Variants in DIAPH2 observed in about 807,000 individuals in gnomAD.
DIAPH2 encodes the protein protein diaphanous homolog 2.
Under a neutral mutation model 92.7 loss-of-function variants are expected in DIAPH2, and 35 were observed. The ratio of observed to expected loss-of-function variants is 0.38; its 90% CI spans 0.29 to 0.50. The LOEUF (loss-of-function observed/expected upper bound fraction) is 0.50, where lower values mean the gene tolerates loss of function less well. Ranked by LOEUF, DIAPH2 falls within the 20% of genes least tolerant of loss-of-function variation. DIAPH2 has a pLI of 0.94. For synonymous variants in DIAPH2, 301 were observed against 280.4 expected (o/e 1.07, Z -0.73); for missense variants, 701 against 819.5 (o/e 0.86, Z 1.77).
At chrX:97,355,733 A>G (rs756161076) in intron 24 of DIAPH2, among the ~76,000 whole-genome samples, 7 of 111,079 alleles carry the variant, frequency 6.3e-5, no homozygotes, top group African/African-American at 9.8e-5. Context: ...CAAATATCCC[A>G]GTTATCTCCT....
At chrX:97,300,916 A>G (rs1202309521) in intron 23 of DIAPH2, among the ~76,000 whole-genome samples, 1 of 83,739 alleles carries the variant, frequency 1.2e-5, no homozygotes, top group Non-Finnish European at 2.2e-5. Flanking sequence ...TGGGCCACAG[A>G]GCAAGACTCC....
intron 22 of DIAPH2, among the ~76,000 whole-genome samples, chrX:97,179,385 C>T (rs2067520963): frequency 9.1e-6 from 1 of 109,591 alleles, no homozygotes; most frequent in Admixed American, 9.8e-5. Flanking sequence ...CCAACAAGCC[C>T]GTGTGTGATG....
Position 97,443,316 on chromosome X carries a change from A to T in DIAPH2, c.3241+13571A>T, listed in dbSNP as rs779340243. Among the ~76,000 whole-genome samples, 4 of 112,223 alleles carry T rather than the reference A, an allele frequency of 3.6e-5. No homozygotes were observed. The East Asian group carries it at 1.1e-3, about 31-fold the overall frequency. On this transcript the variant is annotated intron_variant, in intron 26 of 26. Coordinates refer to ENST00000324765, the MANE Select transcript of DIAPH2 (RefSeq NM_006729.5). Reference sequence around the variant, plus strand: ...CTATTCCGGGAAGCCTTTTAAAGTTATGCTCAAAGTCAACTCTCTTAAAGA... The same window carrying T: ...CTATTCCGGGAAGCCTTTTAAAGTTTTGCTCAAAGTCAACTCTCTTAAAGA...
At chrX:96,827,883 G>A (rs2064825531) in intron 4 of DIAPH2, among the ~76,000 whole-genome samples, 1 of 110,929 alleles carries the variant, frequency 9.0e-6, no homozygotes. Context: ...GTGCAGTGGC[G>A]CCATCTCGGC....
intron 4 of DIAPH2, among the ~76,000 whole-genome samples, chrX:96,872,351 G>A (rs976461625): frequency 9.0e-6 from 1 of 111,595 alleles, no homozygotes; most frequent in African/African-American, 3.3e-5. Flanking sequence ...GAGAACATGA[G>A]ATGTTTGTCT....
chrX:97,019,423 T>C (rs1161472255), intron 17 of DIAPH2, among the ~76,000 whole-genome samples: 1 of 111,024 alleles, frequency 9.0e-6, no homozygotes, highest in Non-Finnish European at 1.9e-5. Flanking sequence ...TTTATTTAAT[T>C]AGTTATTTAT....
chrX:97,155,970 T>C (rs1438468359), intron 22 of DIAPH2, among the ~76,000 whole-genome samples: 2 of 112,128 alleles, frequency 1.8e-5, no homozygotes, highest in Non-Finnish European at 3.8e-5. Context: ...ATCAAATGTA[T>C]AGGAAACAAG....
At chrX:96,858,127 T>C (rs1205363844) in intron 4 of DIAPH2, among the ~76,000 whole-genome samples, 2 of 112,307 alleles carry the variant, frequency 1.8e-5, no homozygotes, top group African/African-American at 6.5e-5. Flanking sequence ...TTTAATAATA[T>C]ATTACATATA....
In DIAPH2 at chrX:96,937,228, A is replaced by T; in HGVS notation, c.1090-5A>T. The T allele has an allele frequency of 9.6e-7, 1 of 1,047,115 alleles. No homozygotes were observed. The allele number at this position is 1,047,115 out of a possible 1,213,427, so 86.3% of individuals were successfully genotyped here. On this transcript the variant is annotated splice_polypyrimidine_tract_variant and splice_region_variant and intron_variant, in intron 10 of 26. Coordinates refer to ENST00000324765, the MANE Select transcript of DIAPH2 (RefSeq NM_006729.5). ...CATGTGTTAAATTTTATGTTTATAT[A>T]TTAGGATCTAAAAGAAAAAGAGAAT...
rs562826790 is a variant in DIAPH2, at chrX:97,016,448, A to G, written c.2050+51241A>G. ...AAATCAAATAAAATTAGAAGAAAGA[A>G]TCAGCCTTCTTTATAAACAGAGAGA... On this transcript the variant is annotated intron_variant, in intron 17 of 26. Coordinates refer to ENST00000324765, the MANE Select transcript of DIAPH2 (RefSeq NM_006729.5). 2.7e-5 allele frequency among the ~76,000 whole-genome samples: 3 copies of G among 112,391 alleles called. No homozygotes were observed. In the South Asian group the frequency reaches 1.1e-3, roughly 42 times the overall value.
chrX:97,439,715 C>G (rs1426281417), intron 26 of DIAPH2, among the ~76,000 whole-genome samples: 1 of 99,250 alleles, frequency 1.0e-5, no homozygotes, highest in Non-Finnish European at 2.0e-5. Flanking sequence ...CCACTGCACT[C>G]CAGCCCAGGT....
chrX:97,393,295 A>C (rs6620269), intron 25 of DIAPH2, among the ~76,000 whole-genome samples: 43,497 of 110,544 alleles, frequency 0.39, 6,157 homozygotes, highest in East Asian at 0.58. Flanking sequence ...CAAGCAACAG[A>C]TTGACTGATG....
At chrX:97,219,459 G>A (rs897088301) in intron 22 of DIAPH2, among the ~76,000 whole-genome samples, 2 of 111,507 alleles carry the variant, frequency 1.8e-5, no homozygotes, top group African/African-American at 6.5e-5. Context: ...AAAAGAAAGT[G>A]AATAGATGTT....
At chrX:96,899,980 G>A (rs1043356885) in intron 5 of DIAPH2, among the ~76,000 whole-genome samples, 2 of 58,244 alleles carry the variant, frequency 3.4e-5, no homozygotes, top group Non-Finnish European at 8.3e-5. Flanking sequence ...CATCTATTGA[G>A]ATAATCGTGG....
At chrX:97,002,287 A>AAT (rs760584026) in intron 17 of DIAPH2, among the ~76,000 whole-genome samples, 6,079 of 108,746 alleles carry the variant, frequency 0.056, 429 homozygotes, top group African/African-American at 0.19. Flanking sequence ...ATTTGTAATG[A>AAT]ATATATATAT....
chrX:97,248,870 G>A (rs990399261), intron 23 of DIAPH2, among the ~76,000 whole-genome samples: 3 of 111,537 alleles, frequency 2.7e-5, no homozygotes, highest in African/African-American at 9.8e-5. Flanking sequence ...TTAACTCTCA[G>A]TGTTTTGGTT....
chrX:97,454,913 A>G (rs958141730), intron 26 of DIAPH2, among the ~76,000 whole-genome samples: 6 of 111,895 alleles, frequency 5.4e-5, no homozygotes, highest in African/African-American at 1.9e-4. Context: ...AGCATAGAAC[A>G]GTTTTGGTCT....
chrX:97,150,474 T>C (rs933021127), intron 22 of DIAPH2, among the ~76,000 whole-genome samples: 4 of 111,627 alleles, frequency 3.6e-5, no homozygotes, highest in Non-Finnish European at 7.5e-5. Flanking sequence ...CTATTTTTGC[T>C]AGGGAACTGT....
At chrX:96,755,717 CAA>C (rs67781827) in intron 3 of DIAPH2, among the ~76,000 whole-genome samples, 2 of 102,314 alleles carry the variant, frequency 2.0e-5, no homozygotes, top group African/African-American at 7.1e-5. Context: ...TTTACTTTAT[CAA>C]AAAAAAAAAT....
Sources: gnomAD v4.1 joint callset for allele counts (sites outside exome capture counted in the v4.1 genomes callset) on GRCh38, gnomAD v4.1.1 for gene constraint, MANE v1.5 for transcripts, NCBI Gene and HGNC (gene_info 2026-07-23, HGNC 2026-07-21) for gene names.